The following PTPRT variants were observed in gnomAD, a reference collection of about 807,000 sequenced individuals.
The protein encoded by PTPRT is protein tyrosine phosphatase receptor type T.
A neutral mutation model predicts 176.8 loss-of-function variants in PTPRT; 56 were observed. The ratio of observed to expected loss-of-function variants is 0.32; its 90% confidence interval spans 0.26 to 0.40. PTPRT has a LOEUF of 0.40. PTPRT is among the 10% of genes least tolerant of loss of function. PTPRT has a pLI of 1.00. For synonymous variants in PTPRT, 783 were observed against 739.0 expected (o/e 1.06, Z -0.96); for missense variants, 1,540 against 1,908.2 (o/e 0.81, Z 3.60).
Position 42,678,115 on chromosome 20 carries a change from C to A in PTPRT, c.904G>T (p.Ala302Ser), listed in dbSNP as rs1422559885. The A allele has an allele frequency of 6.2e-7, 1 of 1,613,920 alleles. No homozygotes were observed. The highest frequency in any genetic ancestry group is 1.3e-5 in the African/African-American group (1 of 74,922). Residue 302 changes from alanine (A) to serine (S), a missense_variant, in exon 7 of 31, where the codon GCC (alanine) becomes TCC (serine). Physicochemically the swap from Ala to Ser is moderately conservative, Grantham distance 99. Coordinates refer to ENST00000373187, the MANE Select transcript of PTPRT (RefSeq NM_007050.6). The stretch of plus-strand genomic sequence containing the variant: ...TTTGGCTTGATCCACAGGTATGTGG[C>A]CCCCACAGCCAGCAGCTCTGGGGGA... ...IAPPELLAVG[A>S]TYLWIKPNAN...
chr20:42,856,825 T>C (rs962896999), intron 2 of PTPRT, among the ~76,000 whole-genome samples: 2 of 151,472 alleles, frequency 1.3e-5, no homozygotes, highest in Non-Finnish European at 2.9e-5. Context: ...TGACCCTACA[T>C]GTATAAAGAG....
At chr20:42,770,908 A>G (rs2077053063) in intron 5 of PTPRT, among the ~76,000 whole-genome samples, 1 of 152,248 alleles carries the variant, frequency 6.6e-6, no homozygotes, top group African/African-American at 2.4e-5. Context: ...ATGCCTGACT[A>G]GCAGAATCGT....
intron 2 of PTPRT, among the ~76,000 whole-genome samples, chr20:42,870,955 T>C (rs2078834976): frequency 8.3e-6 from 1 of 120,542 alleles, no homozygotes; most frequent in South Asian, 2.4e-4. Context: ...TTTTCTTTTC[T>C]TTTTTTTTTT....
chr20:42,562,012 G>A (rs1196509564), intron 7 of PTPRT, among the ~76,000 whole-genome samples: 1 of 151,588 alleles, frequency 6.6e-6, no homozygotes, highest in Non-Finnish European at 1.5e-5. Flanking sequence ...AGGCAGCCTT[G>A]GTCTAAAACA....
At chr20:42,747,643 C>T (rs2076709874) in intron 6 of PTPRT, among the ~76,000 whole-genome samples, 1 of 152,088 alleles carries the variant, frequency 6.6e-6, no homozygotes, top group Non-Finnish European at 1.5e-5. Flanking sequence ...ACATAATTAT[C>T]TGGAAGAAAT....
chr20:42,248,608 AG>A, intron 14 of PTPRT, 78 bp downstream of exon 14: 1 of 1,535,466 alleles, frequency 6.5e-7, no homozygotes, highest in South Asian at 1.2e-5. Context: ...AATGATCAAC[AG>A]AGCAAAAACC....
chr20:42,671,247 A>G (rs1374669656), intron 7 of PTPRT, among the ~76,000 whole-genome samples: 1 of 152,176 alleles, frequency 6.6e-6, no homozygotes, highest in Non-Finnish European at 1.5e-5. Flanking sequence ...CACTCTGTGT[A>G]TAATCCATCC....
At chr20:42,698,494 T>C (rs1028553749) in intron 6 of PTPRT, among the ~76,000 whole-genome samples, 4 of 152,160 alleles carry the variant, frequency 2.6e-5, no homozygotes, top group Non-Finnish European at 5.9e-5. Flanking sequence ...TATTAAGCTA[T>C]CCCACTCTAA....
chr20:42,108,132 C>CAACT (rs1243347524), intron 23 of PTPRT, among the ~76,000 whole-genome samples: 1 of 152,034 alleles, frequency 6.6e-6, no homozygotes, highest in East Asian at 1.9e-4. Context: ...AATTTTGGAA[C>CAACT]AACTATCAAT....
At chr20:42,042,272 C>A in the PTPRT span, among the ~76,000 whole-genome samples, 1 of 152,230 alleles carries the variant, frequency 6.6e-6, no homozygotes, top group African/African-American at 2.4e-5. Context: ...CTCTGCCAAG[C>A]ATTAGTGAGC....
At chr20:42,097,436 C>A (rs1424283769) in intron 27 of PTPRT, among the ~76,000 whole-genome samples, 1 of 152,224 alleles carries the variant, frequency 6.6e-6, no homozygotes, top group East Asian at 1.9e-4. Context: ...ATGCCTAAAG[C>A]TCCTCTGCCT....
the PTPRT span, among the ~76,000 whole-genome samples, chr20:42,035,955 G>T: frequency 6.6e-6 from 1 of 152,202 alleles, no homozygotes; most frequent in African/African-American, 2.4e-5. Context: ...AAGGGTTTGG[G>T]TGTAAGTAGT....
intron 1 of PTPRT, among the ~76,000 whole-genome samples, chr20:42,949,344 T>C (rs1208854383): frequency 4.6e-5 from 7 of 152,198 alleles, no homozygotes; most frequent in Non-Finnish European, 1.0e-4. Flanking sequence ...ACTGAAGAAG[T>C]TGGTCTATTC....
intron 9 of PTPRT, among the ~76,000 whole-genome samples, chr20:42,370,313 C>A (rs531772517): frequency 6.6e-6 from 1 of 152,168 alleles, no homozygotes; most frequent in African/African-American, 2.4e-5. Flanking sequence ...TAACGGCCAG[C>A]GACAGGAGTC....
intron 15 of PTPRT, among the ~76,000 whole-genome samples, chr20:42,202,122 A>G (rs1448390099): frequency 6.6e-6 from 1 of 152,076 alleles, no homozygotes; most frequent in Non-Finnish European, 1.5e-5. Flanking sequence ...GGTGTCTGCC[A>G]CCGCATCCAG....
At chr20:42,211,114 T>A (rs1398320233) in intron 15 of PTPRT, among the ~76,000 whole-genome samples, 1 of 152,134 alleles carries the variant, frequency 6.6e-6, no homozygotes, top group African/African-American at 2.4e-5. Context: ...TGAAACTGGA[T>A]CCCTTCCTTA....
At chr20:42,751,497 G>T (rs138160532) in intron 6 of PTPRT, among the ~76,000 whole-genome samples, 161 of 152,282 alleles carry the variant, frequency 1.1e-3, no homozygotes, top group African/African-American at 3.8e-3. Flanking sequence ...GCAAAGTATT[G>T]TTTCTGGGTG....
intron 1 of PTPRT, among the ~76,000 whole-genome samples, chr20:42,892,102 G>A (rs1008191574): frequency 1.3e-5 from 2 of 152,190 alleles, no homozygotes; most frequent in Non-Finnish European, 2.9e-5. Context: ...TTTCTTCTTT[G>A]TATAAATGAA....
intron 1 of PTPRT, among the ~76,000 whole-genome samples, chr20:43,058,101 G>T (rs1318559115): frequency 6.6e-6 from 1 of 152,144 alleles, no homozygotes; most frequent in Non-Finnish European, 1.5e-5. Context: ...AGAGAAGCAG[G>T]ACAGGTACAA....
Sources: gnomAD v4.1 joint callset for allele counts (sites outside exome capture counted in the v4.1 genomes callset) on GRCh38, gnomAD v4.1.1 for gene constraint, MANE v1.5 for transcripts, NCBI Gene and HGNC (gene_info 2026-07-23, HGNC 2026-07-21) for gene names.